The following CXCR2 variants were observed in gnomAD, a reference collection of about 807,000 sequenced individuals.
The protein encoded by CXCR2 is C-X-C motif chemokine receptor 2, also known as C-X-C chemokine receptor type 2.
CXCR2 carries 2 observed loss-of-function variants against 3.7 expected under a neutral mutation model. The observed-to-expected ratio is 0.55, with a 90% CI of 0.22 to 1.72. The LOEUF (loss-of-function observed/expected upper bound fraction) is 1.72, where lower values mean the gene tolerates loss of function less well. CXCR2 is among the 40% of genes most tolerant of loss of function. The pLI, the probability that CXCR2 is intolerant of heterozygous loss-of-function variation, is 0.19. For synonymous variants in CXCR2, 203 were observed against 193.3 expected, an observed-to-expected ratio of 1.05 and a Z score of -0.41; for missense variants, 351 against 450.1, an observed-to-expected ratio of 0.78 and a Z score of 1.99.
chr2:218,133,824 G>T (rs1297815646), intron 2 of CXCR2, among the ~76,000 whole-genome samples: 2 of 152,224 alleles, frequency 1.3e-5, no homozygotes, highest in African/African-American at 4.8e-5. Flanking sequence ...TCTGCTTCCT[G>T]CTGCCCCTCT....
chr2:218,135,276 C>A lies in CXCR2; in HGVS notation c.475C>A (p.Arg159Ser). The A allele has an allele frequency of 6.2e-7, 1 of 1,614,204 alleles. No individual in the cohort carries two copies. Among genetic ancestry groups the A allele is most frequent in the Non-Finnish European group, 8.5e-7 (1 of 1,180,046 alleles). The change falls in exon 3 of 3, where the codon CGC (arginine) becomes AGC (serine). Residue 159 changes from arginine (R) to serine (S), a missense_variant. By Grantham distance (110) the Arg-to-Ser change is moderately radical. Coordinates refer to ENST00000318507, the MANE Select transcript of CXCR2 (RefSeq NM_001557.4). This position sits in a 1 kb window ranked among gnomAD's most constrained non-coding sequence, Gnocchi z 4.0. ...VHATRTLTQK[R>S]YLVKFICLSI... ...TGCCACACGCACACTGACCCAGAAGCGCTACTTGGTCAAATTCATATGTCT... is the reference window on the plus strand; with the variant it reads ...TGCCACACGCACACTGACCCAGAAGAGCTACTTGGTCAAATTCATATGTCT...
At chr2:218,132,936 T>C (rs1294394277) in intron 2 of CXCR2, among the ~76,000 whole-genome samples, 2 of 152,226 alleles carry the variant, frequency 1.3e-5, no homozygotes, top group Non-Finnish European at 2.9e-5. Context: ...ATGTTTAACT[T>C]TTTTGAGCAA....
Position 218,134,992 on chromosome 2 carries a change from T to C in CXCR2, c.191T>C (p.Leu64Pro), listed in dbSNP as rs767734877. ...IYALVFLLSLLGNSLVMLVIL... is the reference protein window; with the variant it reads ...IYALVFLLSLPGNSLVMLVIL... ...GCCCTGGTATTCCTGCTGAGCCTGC[T>C]GGGAAACTCCCTCGTGATGCTGGTC... Residue 64 changes from leucine to proline, a missense_variant, in exon 3 of 3, where the codon CTG becomes CCG. Coordinates refer to ENST00000318507, the MANE Select transcript of CXCR2 (RefSeq NM_001557.4). 6.2e-7 allele frequency: 1 copy of C among 1,614,218 alleles called. No individual in the cohort carries two copies. The highest frequency in any genetic ancestry group is 8.5e-7 in the Non-Finnish European group (1 of 1,180,040).
chr2:218,135,380 C>G lies in CXCR2; in HGVS notation c.579C>G (p.Ser193Arg), dbSNP rs764451571. The G allele has an allele frequency of 6.2e-7, 1 of 1,614,078 alleles. No individual in the cohort carries two copies. The highest frequency in any genetic ancestry group is 1.3e-5 in the African/African-American group (1 of 74,918). ...GGACCGTCTACTCATCCAATGTTAG[C>G]CCAGCCTGCTATGAGGACATGGGCA... is the stretch of plus-strand genomic sequence containing the variant. ...FRRTVYSSNV[S>R]PACYEDMGNN... The change falls in exon 3 of 3, where the codon AGC (serine) becomes AGG (arginine). Residue 193 changes from serine to arginine, a missense_variant. Physicochemically the swap from Ser to Arg is moderately radical, Grantham distance 110. Coordinates refer to ENST00000318507, the MANE Select transcript of CXCR2 (RefSeq NM_001557.4). This position sits in a 1 kb window ranked among gnomAD's most constrained non-coding sequence, Gnocchi z 4.0.
In CXCR2 at chr2:218,135,082, A is replaced by T; in HGVS notation, c.281A>T (p.Asp94Val). The change falls in exon 3 of 3, where the codon GAC (aspartate) becomes GTC (valine). Residue 94 changes from aspartate (D) to valine (V), a missense_variant. Physicochemically the swap from Asp to Val is radical, Grantham distance 152 (BLOSUM62 -3). Coordinates refer to ENST00000318507, the MANE Select transcript of CXCR2 (RefSeq NM_001557.4). This position sits in a 1 kb window ranked among gnomAD's most constrained non-coding sequence, Gnocchi z 4.0. ...DVYLLNLALADLLFALTLPIW... is the reference protein window; with the variant it reads ...DVYLLNLALAVLLFALTLPIW... Reference sequence around the variant, plus strand: ...TACCTGCTGAACCTAGCCTTGGCCGACCTACTCTTTGCCCTGACCTTGCCC... The same window carrying T: ...TACCTGCTGAACCTAGCCTTGGCCGTCCTACTCTTTGCCCTGACCTTGCCC... 1.2e-6 allele frequency: 2 copies of T among 1,614,148 alleles called. No individual in the cohort carries two copies. The highest frequency in any genetic ancestry group is 1.7e-6 in the Non-Finnish European group (2 of 1,180,036).
rs936874740 is a variant in CXCR2, at chr2:218,136,022, A to G, written c.*138A>G. The G allele has an allele frequency of 8.9e-7, 1 of 1,128,252 alleles. No homozygotes were observed. Among genetic ancestry groups the G allele is most frequent in the Non-Finnish European group, 1.3e-6 (1 of 786,650 alleles). 69.9% of individuals were successfully genotyped at this position (1,128,252 alleles called of 1,614,324 possible). A position where few individuals can be genotyped will look rare whatever the true frequency, so the allele number is the denominator to read the frequency against. Reference sequence around the variant, plus strand: ...GTGGTCACAGGAAGTAGAGGAGGCCACGTTCTTACTAGTTTCCCTTGCATG... The same window carrying G: ...GTGGTCACAGGAAGTAGAGGAGGCCGCGTTCTTACTAGTTTCCCTTGCATG... On this transcript the variant is annotated 3_prime_UTR_variant, in exon 3 of 3. Coordinates refer to ENST00000318507, the MANE Select transcript of CXCR2 (RefSeq NM_001557.4).
At position 218,136,947 on chromosome 2, in the gene CXCR2, G is replaced by A. The variant is rs573985368; in HGVS notation, c.*1063G>A. The A allele has an allele frequency of 1.9e-4, 31 of 167,344 alleles. No individual in the cohort carries two copies. Among genetic ancestry groups the A allele is most frequent in the African/African-American group, 7.0e-4 (29 of 41,548 alleles). The allele number at this position is 167,344 out of a possible 1,614,324, so 10.4% of individuals were successfully genotyped here. ...CAGGGACTGAGGGGAGGGGAGCATG[G>A]GAAGTGACGGTTTAATGGGCACAGG... On this transcript the variant is annotated 3_prime_UTR_variant, in exon 3 of 3. Coordinates refer to ENST00000318507, the MANE Select transcript of CXCR2 (RefSeq NM_001557.4).
chr2:218,133,793 G>T (rs1452414586), intron 2 of CXCR2, among the ~76,000 whole-genome samples: 2 of 152,208 alleles, frequency 1.3e-5, no homozygotes, highest in Non-Finnish European at 2.9e-5. Context: ...ACCAAGCAAG[G>T]GTAGTGCAAA....
At chr2:218,127,864 T>A (rs1690545484) in intron 1 of CXCR2, among the ~76,000 whole-genome samples, 1 of 152,174 alleles carries the variant, frequency 6.6e-6, no homozygotes. Flanking sequence ...ACAGCTAATA[T>A]GACAATTAAT....
Position 218,134,941 on chromosome 2 carries a change from A to G in CXCR2, c.140A>G (p.Asn47Ser), listed in dbSNP as rs1233080228. 1.2e-6 allele frequency: 2 copies of G among 1,614,072 alleles called. No individual in the cohort carries two copies. The highest frequency in any genetic ancestry group is 1.3e-5 in the African/African-American group (1 of 74,926). ...TGTGAACCAGAATCCCTGGAAATCAACAAGTATTTTGTGGTCATTATCTAT... is the reference window on the plus strand; with the variant it reads ...TGTGAACCAGAATCCCTGGAAATCAGCAAGTATTTTGTGGTCATTATCTAT... The part of the protein sequence containing the change: ...APCEPESLEI[N>S]KYFVVIIYAL... The change falls in exon 3 of 3, where the codon AAC becomes AGC. Residue 47 changes from asparagine to serine, a missense_variant. Asn to Ser is a conservative substitution (Grantham distance 46). Transcript: ENST00000318507.
intron 2 of CXCR2, among the ~76,000 whole-genome samples, chr2:218,130,192 G>T (rs1190759214): frequency 3.9e-5 from 6 of 152,158 alleles, no homozygotes; most frequent in Admixed American, 3.9e-4. Flanking sequence ...AGGCTAAGGT[G>T]GGCGGATCAC....
intron 2 of CXCR2, among the ~76,000 whole-genome samples, chr2:218,129,598 C>T (rs1415715959): frequency 6.6e-6 from 1 of 152,162 alleles, no homozygotes; most frequent in African/African-American, 2.4e-5. Context: ...ACTTGCTGCC[C>T]ATGCTTTTCC....
At chr2:218,133,869 C>G (rs1345179120) in intron 2 of CXCR2, among the ~76,000 whole-genome samples, 1 of 152,244 alleles carries the variant, frequency 6.6e-6, no homozygotes, top group African/African-American at 2.4e-5. Context: ...GTCTGCTTAT[C>G]CCGCATGGTG....
rs200911312 is a variant in CXCR2, at chr2:218,135,650, G to A, written c.849G>A (p.Gln283=). 2 of 1,614,012 alleles carry A rather than the reference G, an allele frequency of 1.2e-6. No homozygotes were observed. Among genetic ancestry groups the A allele is most frequent in the Non-Finnish European group, 1.7e-6 (2 of 1,180,018 alleles). Residue 283 remains glutamine (Q), a synonymous_variant, in exon 3 of 3, where the codon CAG becomes CAA. Coordinates refer to ENST00000318507, the MANE Select transcript of CXCR2 (RefSeq NM_001557.4). The surrounding 1 kb of genome is among the most constrained non-coding windows in gnomAD (Gnocchi z 4.0). Reference sequence around the variant, plus strand: ...CCCTCATGAGGACCCAGGTGATCCAGGAGACCTGTGAGCGCCGCAATCACA... The same window carrying A: ...CCCTCATGAGGACCCAGGTGATCCAAGAGACCTGTGAGCGCCGCAATCACA... ...ADTLMRTQVI[Q]ETCERRNHID...
At chr2:218,127,327 A>G (rs540206466) in intron 1 of CXCR2, among the ~76,000 whole-genome samples, 3 of 152,052 alleles carry the variant, frequency 2.0e-5, no homozygotes, top group Non-Finnish European at 4.4e-5. Flanking sequence ...GGGTTTCACC[A>G]TGTTGGCCAG....
chr2:218,134,749 T>C lies in CXCR2; in HGVS notation c.-25-28T>C, dbSNP rs201767788. The stretch of plus-strand genomic sequence containing the variant: ...GGGCAAGAATATGGGGAATTTATTA[T>C]GCAGTAACCTTCATCTCTCTTCTAT... On this transcript the variant is annotated intron_variant, in intron 2 of 2. Transcript: ENST00000318507. 6 of 1,556,462 alleles carry C rather than the reference T, an allele frequency of 3.9e-6. No homozygotes were observed. The South Asian group carries it at 4.9e-5, about 13-fold the overall frequency.
At chr2:218,129,425 T>G (rs1050856669) in intron 2 of CXCR2, 60 bp downstream of exon 2, 1 of 152,370 alleles carries the variant, frequency 6.6e-6, no homozygotes, top group African/African-American at 2.4e-5. Context: ...TCTGTTTCCC[T>G]TGATACCCAG....
rs1049679638 is a variant in CXCR2, at chr2:218,136,090, A to G, written c.*206A>G. ...TGGTGCCTCACCCCTTGCCATAATT[A>G]CTATGTCATTTGCTGGAGCTCTGCC... is the stretch of plus-strand genomic sequence containing the variant. On this transcript the variant is annotated 3_prime_UTR_variant, in exon 3 of 3. Transcript: ENST00000318507. The G allele has an allele frequency of 8.2e-6, 5 of 611,404 alleles. No homozygotes were observed. Among genetic ancestry groups the G allele is most frequent in the African/African-American group, 5.6e-5 (3 of 54,002 alleles). The allele number at this position is 611,404 out of a possible 1,614,324, so 37.9% of individuals were successfully genotyped here.
Position 218,135,350 on chromosome 2 carries a change from C to T in CXCR2, c.549C>T (p.Phe183=). The change falls in exon 3 of 3, where the codon TTC becomes TTT. Residue 183 remains phenylalanine, a synonymous_variant. Transcript: ENST00000318507. The surrounding 1 kb of genome is among the most constrained non-coding windows in gnomAD (Gnocchi z 4.0). ...TCCTGGCCCTGCCTGTCTTACTTTT[C>T]CGAAGGACCGTCTACTCATCCAATG... ...SLLLALPVLL[F]RRTVYSSNVS... The T allele has an allele frequency of 2.5e-6, 4 of 1,614,204 alleles. No individual in the cohort carries two copies. Among genetic ancestry groups the T allele is most frequent in the Non-Finnish European group, 3.4e-6 (4 of 1,180,042 alleles).
Sources: allele counts gnomAD v4.1 joint callset (sites outside exome capture counted in the v4.1 genomes callset), GRCh38; gene constraint gnomAD v4.1.1; non-coding constraint Gnocchi (gnomAD v3.1); transcripts MANE v1.5; gene names NCBI Gene and HGNC (gene_info 2026-07-23, HGNC 2026-07-21).